MYH11: variants seen among roughly 807,000 people sequenced by gnomAD.
MYH11 encodes the protein myosin heavy chain 11.
A neutral mutation model predicts 246.6 loss-of-function variants in MYH11; 80 were observed. The observed-to-expected ratio is 0.32, with a 90% CI of 0.27 to 0.39. The LOEUF (loss-of-function observed/expected upper bound fraction) is 0.39, where lower values mean the gene tolerates loss of function less well. Ranked by LOEUF, MYH11 falls within the 10% of genes least tolerant of loss-of-function variation. The pLI is 1.00. For synonymous variants in MYH11, 1,071 were observed against 1,015.5 expected (o/e 1.05, Z -1.04); for missense variants, 2,158 against 2,546.8 (o/e 0.85, Z 3.29).
chr16:15,803,574 G>C (rs2042939665), intron 3 of MYH11, among the ~76,000 whole-genome samples: 1 of 152,140 alleles, frequency 6.6e-6, no homozygotes, highest in Admixed American at 6.6e-5. Flanking sequence ...GAGGGTGAAG[G>C]ATAGAAGAAC....
chr16:15,753,612 C>A, intron 14 of MYH11, 104 bp from the exon 15 acceptor site: 1 of 891,362 alleles, frequency 1.1e-6, no homozygotes, highest in South Asian at 1.4e-5. Context: ...CTTCTGAGGT[C>A]AGAGAGGAAA....
chr16:15,814,135 TC>T (rs66823162), intron 3 of MYH11, among the ~76,000 whole-genome samples: 34,664 of 148,312 alleles, frequency 0.23, 4,799 homozygotes, highest in African/African-American at 0.39. Context: ...GGAAACTCCA[TC>T]CCCCAAAAAA....
rs185663468 is a variant in MYH11, at chr16:15,812,527, G to A, written c.502+10728C>T. On this transcript the variant is annotated intron_variant, in intron 3 of 40. Transcript: ENST00000300036. ...AGGCCAGGAATGAGAGACCAGCCTG[G>A]GCAACACAGTAAGATCTTATCTCTA... 4.7e-5 allele frequency among the ~76,000 whole-genome samples: 6 copies of A among 128,160 alleles called. 1 individual carries two copies. The South Asian group carries it at 1.0e-3, about 22-fold the overall frequency. The allele number at this position is 128,160 out of a possible 152,430, so 84.1% of individuals were successfully genotyped here.
chr16:15,711,473 C>T (rs1431848519), intron 40 of MYH11, among the ~76,000 whole-genome samples: 4 of 152,090 alleles, frequency 2.6e-5, no homozygotes, highest in East Asian at 3.8e-4. Context: ...TTACTTTCAT[C>T]GTAACCAGTT....
At chr16:15,745,589 T>A (rs1286591369) in intron 19 of MYH11, among the ~76,000 whole-genome samples, 1 of 146,370 alleles carries the variant, frequency 6.8e-6, no homozygotes, top group Non-Finnish European at 1.5e-5. Flanking sequence ...TTTCTTTTTT[T>A]TTTTTTTTTT....
At chr16:15,827,716 G>A (rs1337558038) in intron 2 of MYH11, among the ~76,000 whole-genome samples, 1 of 152,228 alleles carries the variant, frequency 6.6e-6, no homozygotes, top group African/African-American at 2.4e-5. Context: ...CATGCCAGGG[G>A]AATAAATTAA....
intron 3 of MYH11, among the ~76,000 whole-genome samples, chr16:15,799,141 T>C (rs2042822909): frequency 6.6e-6 from 1 of 152,230 alleles, no homozygotes; most frequent in Non-Finnish European, 1.5e-5. Context: ...TTGTGTTTTT[T>C]TGTAAATCCA....
At chr16:15,754,965 C>G (rs1026806617) in intron 14 of MYH11, among the ~76,000 whole-genome samples, 1 of 152,198 alleles carries the variant, frequency 6.6e-6, no homozygotes, top group Non-Finnish European at 1.5e-5. Context: ...CGTGAGCCAC[C>G]ACACCCAGCC....
rs190357077 is a variant in MYH11 at position 15,721,358 on chromosome 16, G to T, written c.4578+64C>A. The T allele has an allele frequency of 3.9e-5, 60 of 1,539,826 alleles. No individual in the cohort carries two copies. In the African/African-American group the frequency reaches 5.7e-4, roughly 15 times the overall value. On this transcript the variant is annotated intron_variant, in intron 32 of 40. Transcript: ENST00000300036. ...GCCAGGAGCTAGCCTCGCATGGACTGGTGAATAGCACAGAGGGTGGGCAGG... is the reference window on the plus strand; with the variant it reads ...GCCAGGAGCTAGCCTCGCATGGACTTGTGAATAGCACAGAGGGTGGGCAGG...
At chr16:15,856,349 C>CAA (rs371286335) in intron 1 of MYH11, among the ~76,000 whole-genome samples, 1 of 146,478 alleles carries the variant, frequency 6.8e-6, no homozygotes, top group Non-Finnish European at 1.5e-5. Context: ...AAAAAAACAA[C>CAA]AACACTCCTT....
chr16:15,709,187 TG>T (rs1184283250), intron 40 of MYH11, among the ~76,000 whole-genome samples: 1 of 152,084 alleles, frequency 6.6e-6, no homozygotes, highest in African/African-American at 2.4e-5. Context: ...ATGATCTTCC[TG>T]CCTTGGCCTC....
At chr16:15,722,294 A>C (rs929197967) in intron 31 of MYH11, among the ~76,000 whole-genome samples, 1 of 152,200 alleles carries the variant, frequency 6.6e-6, no homozygotes, top group Non-Finnish European at 1.5e-5. Context: ...TATCTTACAA[A>C]AGTATCCTAA....
intron 10 of MYH11, among the ~76,000 whole-genome samples, chr16:15,763,262 G>A (rs1032588622): frequency 3.9e-5 from 6 of 152,204 alleles, no homozygotes; most frequent in East Asian, 3.9e-4. Flanking sequence ...CACAGATACC[G>A]TAAGAAGAGC....
chr16:15,803,162 C>G (rs1047810693), intron 3 of MYH11, among the ~76,000 whole-genome samples: 2 of 151,944 alleles, frequency 1.3e-5, no homozygotes, highest in African/African-American at 4.8e-5. Flanking sequence ...AGGAAAAAAG[C>G]AATCAAACTT....
chr16:15,787,761 C>G (rs1008895096), intron 4 of MYH11, among the ~76,000 whole-genome samples: 2 of 152,122 alleles, frequency 1.3e-5, no homozygotes, highest in African/African-American at 2.4e-5. Flanking sequence ...AGACCAGGCA[C>G]AAGGCAGCCT....
intron 40 of MYH11, among the ~76,000 whole-genome samples, chr16:15,705,984 C>CAAAAAAAA (rs57451847): frequency 0.2 from 11,302 of 56,438 alleles, 2,490 homozygotes; most frequent in South Asian, 0.27. Flanking sequence ...GACTCCGTCT[C>CAAAAAAAA]AAAAAAAAAA....
At chr16:15,729,007 C>G (rs527623265) in intron 27 of MYH11, among the ~76,000 whole-genome samples, 1 of 152,046 alleles carries the variant, frequency 6.6e-6, no homozygotes, top group Admixed American at 6.6e-5. Context: ...CGAGACCCAC[C>G]ACTCAGTCTT....
Position 15,750,305 on chromosome 16 carries a change from T to G in MYH11, c.1891A>C (p.Met631Leu). The change falls in exon 16 of 41, where the codon ATG becomes CTG. Residue 631 changes from methionine (M) to leucine (L), a missense_variant. Transcript: ENST00000300036. This position sits in a 1 kb window ranked among gnomAD's most constrained non-coding sequence, Gnocchi z 4.3. The stretch of plus-strand genomic sequence containing the variant: ...AGCGAGCTCTCCGTCATCTTGGCCA[T>G]CTGGTCCAGGCCCACGATGCGGTCC... ...DVDRIVGLDQ[M>L]AKMTESSLPS... 6.2e-7 allele frequency: 1 copy of G among 1,611,868 alleles called. No homozygotes were observed. The highest frequency in any genetic ancestry group is 8.5e-7 in the Non-Finnish European group (1 of 1,179,282).
At chr16:15,796,087 C>G (rs565708144) in intron 4 of MYH11, among the ~76,000 whole-genome samples, 1 of 152,046 alleles carries the variant, frequency 6.6e-6, no homozygotes, top group African/African-American at 2.4e-5. Flanking sequence ...TGAGAGGTGA[C>G]GGGACCCTGA....
Sources: allele counts gnomAD v4.1 joint callset (sites outside exome capture counted in the v4.1 genomes callset), GRCh38; gene constraint gnomAD v4.1.1; non-coding constraint Gnocchi (gnomAD v3.1); transcripts MANE v1.5; gene names NCBI Gene and HGNC (gene_info 2026-07-23, HGNC 2026-07-21).